The following ADA variants were observed in gnomAD, a reference collection of about 807,000 sequenced individuals.
ADA encodes adenosine deaminase.
Under a neutral mutation model 49.0 loss-of-function variants are expected in ADA, and 45 were observed. The observed-to-expected ratio is 0.92, with a 90% CI of 0.72 to 1.18. ADA has a LOEUF of 1.18. Ranked by LOEUF, ADA falls within the 50% of genes most tolerant of loss-of-function variation. The pLI, the probability that ADA is intolerant of heterozygous loss-of-function variation, is 0.00. For synonymous variants in ADA, 173 were observed against 184.2 expected, an observed-to-expected ratio of 0.94 and a Z score of 0.49; for missense variants, 445 against 472.5, an observed-to-expected ratio of 0.94 and a Z score of 0.54.
intron 1 of ADA, among the ~76,000 whole-genome samples, chr20:44,650,037 T>A (rs894817248): frequency 1.3e-5 from 2 of 152,176 alleles, no homozygotes; most frequent in African/African-American, 4.8e-5. Flanking sequence ...ACCCCGCCAA[T>A]CAAAGAGCTT....
intron 1 of ADA, among the ~76,000 whole-genome samples, chr20:44,647,396 A>G (rs1173799647): frequency 1.3e-5 from 2 of 151,914 alleles, no homozygotes; most frequent in Non-Finnish European, 2.9e-5. Context: ...AGGTCGTGCC[A>G]TTGCACTCCA....
intron 2 of ADA, among the ~76,000 whole-genome samples, chr20:44,635,112 T>C (rs920438666): frequency 6.6e-6 from 1 of 152,222 alleles, no homozygotes; most frequent in African/African-American, 2.4e-5. Context: ...CCAGATCCAC[T>C]GGCCTTTAAA....
At chr20:44,635,619 C>A (rs1300659133) in intron 2 of ADA, among the ~76,000 whole-genome samples, 1 of 152,136 alleles carries the variant, frequency 6.6e-6, no homozygotes, top group Admixed American at 6.5e-5. Flanking sequence ...AAGACAGGAG[C>A]CAGGCACAGT....
At chr20:44,621,696 C>T (rs955791560) in intron 9 of ADA, among the ~76,000 whole-genome samples, 1 of 152,292 alleles carries the variant, frequency 6.6e-6, no homozygotes, top group Non-Finnish European at 1.5e-5. Flanking sequence ...TTCTGTGACA[C>T]CACACTTTTG....
intron 1 of ADA, among the ~76,000 whole-genome samples, chr20:44,636,516 A>T (rs1242270387): frequency 6.6e-6 from 1 of 152,112 alleles, no homozygotes; most frequent in Non-Finnish European, 1.5e-5. Flanking sequence ...GATCTCTTTC[A>T]CAATTGAGGA....
intron 10 of ADA, 110 bp downstream of exon 10, chr20:44,620,908 G>GTT: frequency 6.8e-7 from 1 of 1,477,422 alleles, no homozygotes; most frequent in Non-Finnish European, 9.4e-7. Flanking sequence ...GTCTTGGACT[G>GTT]TTGAGGCAGA....
chr20:44,622,449 G>T, intron 9 of ADA, 139 bp downstream of exon 9: 1 of 1,035,404 alleles, frequency 9.7e-7, no homozygotes, highest in Non-Finnish European at 1.5e-6. Context: ...GATGAGGACG[G>T]CAATGCCTGC....
At chr20:44,635,400 G>T (rs969988953) in intron 2 of ADA, among the ~76,000 whole-genome samples, 60 of 152,306 alleles carry the variant, frequency 3.9e-4, no homozygotes, top group African/African-American at 1.3e-3. Context: ...CTCTTGATCT[G>T]CTATTAATTT....
intron 1 of ADA, among the ~76,000 whole-genome samples, chr20:44,646,073 G>A (rs1568857166): frequency 1.3e-5 from 2 of 151,998 alleles, no homozygotes; most frequent in South Asian, 4.2e-4. Flanking sequence ...ACCTTGCCCC[G>A]CCCCAGGGGG....
At chr20:44,628,971 C>A in intron 3 of ADA, 76 bp downstream of exon 3, 2 of 1,606,704 alleles carry the variant, frequency 1.2e-6, no homozygotes, top group Non-Finnish European at 1.7e-6. Flanking sequence ...CTGGCCCCCA[C>A]AGGCTGAGGG....
At chr20:44,642,491 T>C (rs6017371) in intron 1 of ADA, among the ~76,000 whole-genome samples, 4,127 of 152,128 alleles carry the variant, frequency 0.027, 188 homozygotes, top group African/African-American at 0.093. Flanking sequence ...AGAGGGAGAA[T>C]GGCTCCAGGC....
At position 44,619,664 on chromosome 20, in the gene ADA, G is replaced by A. The variant is rs976955691; in HGVS notation, c.*170C>T. On this transcript the variant is annotated 3_prime_UTR_variant, in exon 12 of 12. Coordinates refer to ENST00000372874, the MANE Select transcript of ADA (RefSeq NM_000022.4). ...GGGCACATAATCAGAGAAGTGACGCGGCCATGCCGAGGTATACGTGTGTGC... is the reference window on the plus strand; with the variant it reads ...GGGCACATAATCAGAGAAGTGACGCAGCCATGCCGAGGTATACGTGTGTGC... The A allele has an allele frequency of 2.9e-5, 24 of 829,912 alleles. No homozygotes were observed. The highest frequency in any genetic ancestry group is 3.8e-5 in the Non-Finnish European group (19 of 504,836). The allele number at this position is 829,912 out of a possible 1,614,324, so 51.4% of individuals were successfully genotyped here.
At chr20:44,639,702 C>T (rs536587454) in intron 1 of ADA, among the ~76,000 whole-genome samples, 4 of 152,240 alleles carry the variant, frequency 2.6e-5, no homozygotes, top group East Asian at 1.9e-4. Flanking sequence ...TGTGAACCAT[C>T]GTGCCCAGCC....
Position 44,651,449 on chromosome 20 carries a change from G to A in ADA, c.33+126C>T, listed in dbSNP as rs549703589. The A allele has an allele frequency of 1.1e-5, 11 of 978,086 alleles. No individual in the cohort carries two copies. In the East Asian group the frequency reaches 2.9e-4, roughly 26 times the overall value. 60.6% of individuals were successfully genotyped at this position (978,086 alleles called of 1,614,324 possible). A position where few individuals can be genotyped will look rare whatever the true frequency, so the allele number is the denominator to read the frequency against. ...AAGCAAGCCACGGCCTAAGCCGAAG[G>A]AAGAACTCGCCTGCAGGAGCCCCCG... On this transcript the variant is annotated intron_variant, in intron 1 of 11. Coordinates refer to ENST00000372874, the MANE Select transcript of ADA (RefSeq NM_000022.4).
chr20:44,641,067 C>A (rs1002228617), intron 1 of ADA, among the ~76,000 whole-genome samples: 1 of 152,178 alleles, frequency 6.6e-6, no homozygotes, highest in African/African-American at 2.4e-5. Context: ...ACAGAAAACT[C>A]ACATGGTCAG....
Position 44,619,757 on chromosome 20 carries a change from A to G in ADA, c.*77T>C, listed in dbSNP as rs2065309608. On this transcript the variant is annotated 3_prime_UTR_variant, in exon 12 of 12. Coordinates refer to ENST00000372874, the MANE Select transcript of ADA (RefSeq NM_000022.4). ...TTGAGATCATGGTCTTCTTGGAAGG[A>G]ATAAATGTAAAAATGTTGCTCAGCC... 2 of 1,572,318 alleles carry G rather than the reference A, an allele frequency of 1.3e-6. No individual in the cohort carries two copies. The highest frequency in any genetic ancestry group is 1.8e-6 in the Non-Finnish European group (2 of 1,142,250).
Position 44,636,211 on chromosome 20 carries a change from T to C in ADA, c.95+16A>G. The C allele has an allele frequency of 6.2e-7, 1 of 1,605,224 alleles. No homozygotes were observed. The highest frequency in any genetic ancestry group is 8.5e-7 in the Non-Finnish European group (1 of 1,174,626). On this transcript the variant is annotated intron_variant, in intron 2 of 11. Coordinates refer to ENST00000372874, the MANE Select transcript of ADA (RefSeq NM_000022.4). The stretch of plus-strand genomic sequence containing the variant: ...CTCAAATCCCAGGGAGAGAGGGCTC[T>C]TCTGTATGGACTTACCTGCCATAGT...
At chr20:44,643,917 C>T (rs2065562356) in intron 1 of ADA, among the ~76,000 whole-genome samples, 2 of 152,114 alleles carry the variant, frequency 1.3e-5, no homozygotes, top group Admixed American at 1.3e-4. Flanking sequence ...TCAAGAGATG[C>T]GTGCCAGAGA....
At chr20:44,629,931 C>T (rs976024180) in intron 2 of ADA, among the ~76,000 whole-genome samples, 2 of 152,144 alleles carry the variant, frequency 1.3e-5, no homozygotes, top group African/African-American at 2.4e-5. Context: ...CTTCTGCACA[C>T]GCTCCTGCCT....
Sources: allele counts gnomAD v4.1 joint callset (sites outside exome capture counted in the v4.1 genomes callset), GRCh38; gene constraint gnomAD v4.1.1; transcripts MANE v1.5; gene names NCBI Gene and HGNC (gene_info 2026-07-23, HGNC 2026-07-21).